Variants in FRMD4A observed in about 807,000 individuals in gnomAD.
FRMD4A encodes the protein FERM domain containing 4A.
A neutral mutation model predicts 129.1 loss-of-function variants in FRMD4A; 29 were observed. That is an observed-to-expected ratio of 0.22 (90% CI 0.17 to 0.31). FRMD4A has a LOEUF of 0.31. Ranked by LOEUF, FRMD4A falls within the 10% of genes least tolerant of loss-of-function variation. FRMD4A has a pLI of 1.00. For missense variants in FRMD4A, 1,272 were observed against 1,375.8 expected, an observed-to-expected ratio of 0.92 and a Z score of 1.19; for synonymous variants, 634 against 571.6, an observed-to-expected ratio of 1.11 and a Z score of -1.56.
At chr10:14,110,392 A>G (rs1837837170) in intron 2 of FRMD4A, among the ~76,000 whole-genome samples, 1 of 152,200 alleles carries the variant, frequency 6.6e-6, no homozygotes, top group African/African-American at 2.4e-5. Flanking sequence ...TCAAATGTGG[A>G]AACGGGGGTG....
intron 23 of FRMD4A, among the ~76,000 whole-genome samples, chr10:13,652,693 C>T (rs545505342): frequency 2.0e-5 from 3 of 152,254 alleles, no homozygotes; most frequent in African/African-American, 7.2e-5. Context: ...AGCTGGGGCT[C>T]CAGTTTCTCT....
At chr10:13,666,911 C>CTTTTTTTTTTT (rs10546068) in intron 17 of FRMD4A, among the ~76,000 whole-genome samples, 4 of 114,376 alleles carry the variant, frequency 3.5e-5, no homozygotes, top group South Asian at 3.0e-4. Context: ...CTTTTCTTTT[C>CTTTTTTTTTTT]TTTTTTTTTT....
chr10:13,703,099 T>G (rs1389668675), intron 13 of FRMD4A, among the ~76,000 whole-genome samples: 4 of 151,112 alleles, frequency 2.6e-5, no homozygotes, highest in African/African-American at 7.3e-5. Context: ...AATGAATGAC[T>G]TTTTTTTCCC....
intron 15 of FRMD4A, chr10:13,685,347 A>C: frequency 1.3e-5 from 13 of 984,446 alleles, no homozygotes; most frequent in Non-Finnish European, 1.6e-5. Flanking sequence ...GTGCAAATGT[A>C]ATTTAACAGA....
intron 2 of FRMD4A, among the ~76,000 whole-genome samples, chr10:13,990,780 CTG>C (rs1355566731): frequency 1.3e-5 from 2 of 152,204 alleles, no homozygotes; most frequent in African/African-American, 4.8e-5. Context: ...ATTTGGGAAT[CTG>C]TTATTTCTCC....
At chr10:14,078,370 G>A (rs899466524) in intron 2 of FRMD4A, among the ~76,000 whole-genome samples, 2 of 152,198 alleles carry the variant, frequency 1.3e-5, no homozygotes, top group African/African-American at 4.8e-5. Flanking sequence ...CTGGCAACAG[G>A]CTCAAGGCTA....
At chr10:13,943,646 C>CAAAAAAAAAAAAAAAAAAAAAAAA (rs55774636) in intron 2 of FRMD4A, among the ~76,000 whole-genome samples, 3 of 58,264 alleles carry the variant, frequency 5.1e-5, no homozygotes, top group African/African-American at 7.5e-5. Context: ...GACTCTGTCT[C>CAAAAAAAAAAAAAAAAAAAAAAAA]AAAAAAAAAA....
chr10:14,130,473 G>T (rs979642472), intron 2 of FRMD4A, among the ~76,000 whole-genome samples: 1 of 152,042 alleles, frequency 6.6e-6, no homozygotes, highest in Non-Finnish European at 1.5e-5. Flanking sequence ...TGATGCCCAG[G>T]CTCCTGGCCA....
intron 2 of FRMD4A, among the ~76,000 whole-genome samples, chr10:14,185,773 C>G (rs182684649): frequency 6.6e-6 from 1 of 151,038 alleles, no homozygotes; most frequent in Non-Finnish European, 1.5e-5. Flanking sequence ...GCCAAAGCAA[C>G]AGATACGTAC....
rs930144739 is a variant in FRMD4A at position 13,843,580 on chromosome 10, C to A, written c.111+15267G>T. On this transcript the variant is annotated intron_variant, in intron 3 of 24. Coordinates refer to ENST00000357447, the MANE Select transcript of FRMD4A (RefSeq NM_018027.5). The stretch of plus-strand genomic sequence containing the variant: ...TGGCACGATCTTGGCTCACTGCAAC[C>A]TCCGCCTGCCCGGTTCAAGCAGCTC... Among the ~76,000 whole-genome samples the A allele has an allele frequency of 6.6e-5, 10 of 152,206 alleles. 1 individual carries two copies. The highest frequency in any genetic ancestry group is 2.4e-4 in the African/African-American group (10 of 41,450).
rs548495477 is a variant in FRMD4A, at chr10:14,204,714, A to C, written c.45+125344T>G. 1.1e-4 allele frequency among the ~76,000 whole-genome samples: 17 copies of C among 152,296 alleles called. No individual in the cohort carries two copies. The South Asian group carries it at 3.5e-3, about 32-fold the overall frequency. ...ATTTCTCTAGGTGGGCACATCACGG[A>C]AACTGTCATACTTAATCGGAGCCTG... On this transcript the variant is annotated intron_variant, in intron 2 of 24. Transcript: ENST00000357447.
rs141394617 is a variant in FRMD4A, at chr10:13,878,119, A to G, written c.46-19207T>C. Among the ~76,000 whole-genome samples the G allele has an allele frequency of 3.4e-4, 51 of 150,474 alleles. No homozygotes were observed. In the East Asian group the frequency reaches 8.7e-3, roughly 26 times the overall value. The stretch of plus-strand genomic sequence containing the variant: ...TTAGTGAGCAGTTACAGAAATAAAG[A>G]TGTTATGTTGTATCTGTTAGTCAAA... On this transcript the variant is annotated intron_variant, in intron 2 of 24. Coordinates refer to ENST00000357447, the MANE Select transcript of FRMD4A (RefSeq NM_018027.5).
At position 14,132,202 on chromosome 10, in the gene FRMD4A, C is replaced by T. The variant is rs187575184; in HGVS notation, c.45+197856G>A. The stretch of plus-strand genomic sequence containing the variant: ...ACTTGGGAGGCTGAGGCAGGAGAAT[C>T]GCTTGAGTCTGGGAGGAGGAGGTTG... On this transcript the variant is annotated intron_variant, in intron 2 of 24. Coordinates refer to ENST00000357447, the MANE Select transcript of FRMD4A (RefSeq NM_018027.5). Among the ~76,000 whole-genome samples the T allele has an allele frequency of 8.4e-4, 128 of 152,190 alleles. 4 individuals carry two copies. Among genetic ancestry groups the T allele is most frequent in the Admixed American group, 6.7e-3 (102 of 15,272 alleles).
intron 2 of FRMD4A, among the ~76,000 whole-genome samples, chr10:13,903,760 G>T (rs2094848650): frequency 6.6e-6 from 1 of 152,036 alleles, no homozygotes; most frequent in African/African-American, 2.4e-5. Flanking sequence ...ACATGTGCCT[G>T]TGGTCCCAGC....
intron 3 of FRMD4A, among the ~76,000 whole-genome samples, chr10:13,827,454 C>T (rs1005550506): frequency 1.3e-5 from 2 of 152,170 alleles, no homozygotes; most frequent in Non-Finnish European, 2.9e-5. Context: ...GCGAATTTGG[C>T]CTGAAATTTT....
intron 2 of FRMD4A, among the ~76,000 whole-genome samples, chr10:13,972,656 C>T (rs2095525103): frequency 6.6e-6 from 1 of 152,024 alleles, no homozygotes; most frequent in Non-Finnish European, 1.5e-5. Flanking sequence ...TTAAACGTGT[C>T]ATAACCATTG....
intron 20 of FRMD4A, 102 bp downstream of exon 20, chr10:13,660,214 T>TG (rs1196403166): frequency 1.3e-6 from 1 of 765,824 alleles, no homozygotes; most frequent in Non-Finnish European, 2.2e-6. Flanking sequence ...GGAACTAGGT[T>TG]GATGTGGATT....
At chr10:13,975,509 G>A (rs1250486803) in intron 2 of FRMD4A, among the ~76,000 whole-genome samples, 1 of 151,494 alleles carries the variant, frequency 6.6e-6, no homozygotes, top group African/African-American at 2.4e-5. Context: ...ATGCATCTAT[G>A]TATGTGTGTA....
intron 2 of FRMD4A, among the ~76,000 whole-genome samples, chr10:14,039,550 A>G (rs1833697989): frequency 6.6e-6 from 1 of 151,864 alleles, no homozygotes; most frequent in Non-Finnish European, 1.5e-5. Flanking sequence ...TCACTAAGCT[A>G]AAGGGAAAAA....
Sources: gnomAD v4.1 joint callset for allele counts (sites outside exome capture counted in the v4.1 genomes callset) on GRCh38, gnomAD v4.1.1 for gene constraint, MANE v1.5 for transcripts, NCBI Gene and HGNC (gene_info 2026-07-23, HGNC 2026-07-21) for gene names.